SPATC1L: variants seen among roughly 807,000 people sequenced by gnomAD.
The protein encoded by SPATC1L is spermatogenesis and centriole associated 1 like.
SPATC1L carries 20 observed loss-of-function variants against 21.2 expected under a neutral mutation model. That is an observed-to-expected ratio of 0.94 (90% CI 0.66 to 1.37). SPATC1L has a LOEUF of 1.37. SPATC1L is among the 40% of genes most tolerant of loss of function. SPATC1L has a pLI of 0.00. For missense variants in SPATC1L, 499 were observed against 478.7 expected, an observed-to-expected ratio of 1.04 and a Z score of -0.40; for synonymous variants, 290 against 234.5, an observed-to-expected ratio of 1.24 and a Z score of -2.16.
At position 46,182,732 on chromosome 21, in the gene SPATC1L, G is replaced by T; in HGVS notation, c.85C>A (p.Gln29Lys). ...KKQVRLLKEN[Q>K]MLRRLLSQSC... ...TGGCTGAGCAGCCGCCGCAGCATCT[G>T]ATTCTCCTTCAGGAGGCGCACCTGC... The change falls in exon 2 of 5, where the codon CAG becomes AAG. Residue 29 changes from glutamine (Q) to lysine (K), a missense_variant. Coordinates refer to ENST00000291672, the MANE Select transcript of SPATC1L (RefSeq NM_001142854.2). 1 of 1,547,776 alleles carries T rather than the reference G, an allele frequency of 6.5e-7. No individual in the cohort carries two copies.
At chr21:46,162,264 C>T (rs2079504986) in intron 3 of SPATC1L, among the ~76,000 whole-genome samples, 197 bp from the exon 4 acceptor site, 1 of 152,188 alleles carries the variant, frequency 6.6e-6, no homozygotes, top group South Asian at 2.1e-4. Flanking sequence ...CTTCCCTTCC[C>T]CCTGTCCTCG....
chr21:46,179,198 G>C (rs1446875218), intron 2 of SPATC1L, among the ~76,000 whole-genome samples: 1 of 149,648 alleles, frequency 6.7e-6, no homozygotes, highest in Non-Finnish European at 1.5e-5. Flanking sequence ...AGTGAGTCAT[G>C]ATCATTGCCA....
Position 46,168,186 on chromosome 21 carries a change from C to T in SPATC1L, c.544+122G>A, listed in dbSNP as rs1017943212. On this transcript the variant is annotated intron_variant, in intron 3 of 4. Coordinates refer to ENST00000291672, the MANE Select transcript of SPATC1L (RefSeq NM_001142854.2). Reference sequence around the variant, plus strand: ...GACCCCAGCCTCCCAGCCTGGCTCTCCTCCCTCCACTCTGTGTGACTGGAT... The same window carrying T: ...GACCCCAGCCTCCCAGCCTGGCTCTTCTCCCTCCACTCTGTGTGACTGGAT... The T allele has an allele frequency of 3.0e-5, 18 of 593,112 alleles. No individual in the cohort carries two copies. The African/African-American group carries it at 3.2e-4, about 10-fold the overall frequency. The allele number at this position is 593,112 out of a possible 1,614,324, so 36.7% of individuals were successfully genotyped here.
rs1004141259 is a variant in SPATC1L at position 46,168,621 on chromosome 21, C to T, written c.231G>A (p.Thr77=). 7 of 1,401,300 alleles carry T rather than the reference C, an allele frequency of 5.0e-6. No individual in the cohort carries two copies. The African/African-American group carries it at 5.8e-5, about 12-fold the overall frequency. The allele number at this position is 1,401,300 out of a possible 1,614,324, so 86.8% of individuals were successfully genotyped here. The change falls in exon 3 of 5, where the codon ACG becomes ACA. Residue 77 remains threonine, a synonymous_variant. Coordinates refer to ENST00000291672, the MANE Select transcript of SPATC1L (RefSeq NM_001142854.2). The part of the protein sequence containing the change: ...DFGRFTSVAD[T]PSQLQTSSLE... ...GGGAGGATGTCTGCAGTTGGGAGGGCGTGTCGGCAACACTCGTGAACCTTC... is the reference window on the plus strand; with the variant it reads ...GGGAGGATGTCTGCAGTTGGGAGGGTGTGTCGGCAACACTCGTGAACCTTC...
rs966274675 is a variant in SPATC1L, at chr21:46,161,277, G to A, written c.*102C>T. On this transcript the variant is annotated 3_prime_UTR_variant, in exon 5 of 5. Transcript: ENST00000291672. ...GGCCTTCTCTGGCCTCGCGCGCGGG[G>A]GACGCGGCCCTTTCCCCTCCGGGGG... 3 of 1,173,342 alleles carry A rather than the reference G, an allele frequency of 2.6e-6. No homozygotes were observed. Among genetic ancestry groups the A allele is most frequent in the East Asian group, 2.9e-5 (1 of 34,770 alleles). 72.7% of individuals were successfully genotyped at this position (1,173,342 alleles called of 1,614,324 possible). A position where few individuals can be genotyped will look rare whatever the true frequency, so the allele number is the denominator to read the frequency against.
intron 3 of SPATC1L, 83 bp from the exon 4 acceptor site, chr21:46,162,150 C>G: frequency 7.2e-7 from 1 of 1,398,110 alleles, no homozygotes; most frequent in Non-Finnish European, 9.6e-7. Flanking sequence ...ACGTGGGGGG[C>G]GGCTCCTCCA....
chr21:46,171,680 T>G (rs1473024851), intron 2 of SPATC1L, among the ~76,000 whole-genome samples: 1 of 152,048 alleles, frequency 6.6e-6, no homozygotes, highest in African/African-American at 2.4e-5. Flanking sequence ...AAAATTACTT[T>G]CAAGTGACTC....
At chr21:46,178,533 C>T (rs930662990) in intron 2 of SPATC1L, among the ~76,000 whole-genome samples, 3 of 152,166 alleles carry the variant, frequency 2.0e-5, no homozygotes, top group Non-Finnish European at 1.5e-5. Flanking sequence ...ACTCCCATGA[C>T]ACAAGTTCAC....
intron 2 of SPATC1L, among the ~76,000 whole-genome samples, chr21:46,172,599 C>G (rs2079602143): frequency 6.6e-6 from 1 of 152,244 alleles, no homozygotes; most frequent in Admixed American, 6.5e-5. Flanking sequence ...CCCTCTCTCA[C>G]CTTCCCTGGA....
intron 2 of SPATC1L, among the ~76,000 whole-genome samples, chr21:46,171,117 C>T (rs1214953393): frequency 6.6e-6 from 1 of 152,350 alleles, no homozygotes; most frequent in Non-Finnish European, 1.5e-5. Flanking sequence ...GGGGGAGGGT[C>T]CATGCCCACC....
chr21:46,169,318 C>T (rs2079565215), intron 2 of SPATC1L, among the ~76,000 whole-genome samples: 1 of 144,428 alleles, frequency 6.9e-6, no homozygotes, highest in South Asian at 2.2e-4. Context: ...GGGGAGGAGC[C>T]TCCTGCTCTG....
chr21:46,182,604 T>C lies in SPATC1L; in HGVS notation c.193+20A>G, dbSNP rs1389981892. The stretch of plus-strand genomic sequence containing the variant: ...CGACCCCCTCATCTACCAGGCCATC[T>C]GAGCTGGGCGGCGCCTCACCTCCGC... On this transcript the variant is annotated intron_variant, in intron 2 of 4. Coordinates refer to ENST00000291672, the MANE Select transcript of SPATC1L (RefSeq NM_001142854.2). 2 of 1,443,066 alleles carry C rather than the reference T, an allele frequency of 1.4e-6. No homozygotes were observed. The highest frequency in any genetic ancestry group is 9.1e-7 in the Non-Finnish European group (1 of 1,099,704). 89.4% of individuals were successfully genotyped at this position (1,443,066 alleles called of 1,614,324 possible).
intron 3 of SPATC1L, among the ~76,000 whole-genome samples, chr21:46,165,507 TG>T: frequency 6.6e-6 from 1 of 151,124 alleles, no homozygotes; most frequent in African/African-American, 2.4e-5. Context: ...AACATGAGTA[TG>T]AGGAGTCCTT....
chr21:46,173,664 C>G (rs2079609360), intron 2 of SPATC1L, among the ~76,000 whole-genome samples: 1 of 152,140 alleles, frequency 6.6e-6, no homozygotes, highest in Non-Finnish European at 1.5e-5. Context: ...ACAGAAAAGG[C>G]ACCTAGACCT....
intron 2 of SPATC1L, among the ~76,000 whole-genome samples, chr21:46,171,284 C>G (rs895983600): frequency 6.6e-6 from 1 of 152,166 alleles, no homozygotes; most frequent in Non-Finnish European, 1.5e-5. Context: ...GTGTATTCTC[C>G]TAGCAATAAA....
In SPATC1L at chr21:46,182,995, C is replaced by A. The variant is rs1456733967; in HGVS notation, c.-179G>T. ...GTGCCCAGCACCCTGCCTGCCCCCG[C>A]GATGGCTCATGGCCCCGTTGAGGCA... On this transcript the variant is annotated 5_prime_UTR_variant, in exon 2 of 5. Transcript: ENST00000291672. 2.7e-5 allele frequency: 17 copies of A among 624,252 alleles called. No homozygotes were observed. The highest frequency in any genetic ancestry group is 4.2e-4 in the Middle Eastern group (1 of 2,360). 38.7% of individuals were successfully genotyped at this position (624,252 alleles called of 1,614,324 possible).
chr21:46,172,472 A>G (rs976377986), intron 2 of SPATC1L, among the ~76,000 whole-genome samples: 1 of 152,250 alleles, frequency 6.6e-6, no homozygotes, highest in Non-Finnish European at 1.5e-5. Flanking sequence ...TTTTCCAAAA[A>G]TAAGAACAGG....
At chr21:46,164,563 G>A (rs2079526563) in intron 3 of SPATC1L, among the ~76,000 whole-genome samples, 1 of 152,080 alleles carries the variant, frequency 6.6e-6, no homozygotes, top group Admixed American at 6.6e-5. Context: ...GGAAGCCGAG[G>A]TGGGTGGATC....
Position 46,182,922 on chromosome 21 carries a change from G to T in SPATC1L, c.-106C>A. On this transcript the variant is annotated 5_prime_UTR_variant, in exon 2 of 5. Transcript: ENST00000291672. Reference sequence around the variant, plus strand: ...AACAGCCCAGGCACGGAGTTCCGTAGCCACCACCGCCTTCCACGCCTTGTG... The same window carrying T: ...AACAGCCCAGGCACGGAGTTCCGTATCCACCACCGCCTTCCACGCCTTGTG... The T allele has an allele frequency of 8.6e-7, 1 of 1,167,390 alleles. No individual in the cohort carries two copies. Among genetic ancestry groups the T allele is most frequent in the Non-Finnish European group, 1.2e-6 (1 of 858,964 alleles). 72.3% of individuals were successfully genotyped at this position (1,167,390 alleles called of 1,614,324 possible).
Sources: allele counts gnomAD v4.1 joint callset (sites outside exome capture counted in the v4.1 genomes callset), GRCh38; gene constraint gnomAD v4.1.1; transcripts MANE v1.5; gene names NCBI Gene and HGNC (gene_info 2026-07-23, HGNC 2026-07-21).